The following TNR variants were observed in gnomAD, a reference collection of about 807,000 sequenced individuals.
TNR encodes the protein tenascin R.
A neutral mutation model predicts 150.4 loss-of-function variants in TNR; 45 were observed. The observed-to-expected ratio is 0.30, with a 90% CI of 0.24 to 0.38. The LOEUF (loss-of-function observed/expected upper bound fraction) is 0.38, where lower values mean the gene tolerates loss of function less well. Ranked by LOEUF, TNR falls within the 10% of genes least tolerant of loss-of-function variation. The pLI is 1.00. For synonymous variants in TNR, 687 were observed against 678.4 expected (o/e 1.01, Z -0.20); for missense variants, 1,544 against 1,759.1 (o/e 0.88, Z 2.19).
rs143478061 is a variant in TNR at position 175,676,730 on chromosome 1, G to A, written c.-165+66496C>T. ...CTCCTAGTCGATAATTATTCCTTAC[G>A]TTGGTATGGGCATTTACTATTCTCA... is the stretch of plus-strand genomic sequence containing the variant. On this transcript the variant is annotated intron_variant, in intron 1 of 22. Coordinates refer to ENST00000367674, the MANE Select transcript of TNR (RefSeq NM_003285.3). Among the ~76,000 whole-genome samples, 231 of 152,218 alleles carry A rather than the reference G, an allele frequency of 1.5e-3. 1 individual carries two copies. The highest frequency in any genetic ancestry group is 5.0e-3 in the African/African-American group (209 of 41,524).
rs558167456 is a variant in TNR at position 175,442,939 on chromosome 1, A to G, written c.-63-36162T>C. Among the ~76,000 whole-genome samples, 9 of 149,036 alleles carry G rather than the reference A, an allele frequency of 6.0e-5. No homozygotes were observed. The East Asian group carries it at 1.2e-3, about 19-fold the overall frequency. On this transcript the variant is annotated intron_variant, in intron 2 of 22. Coordinates refer to ENST00000367674, the MANE Select transcript of TNR (RefSeq NM_003285.3). ...AATACCCATACTTTTCCAAGTGTTCAGTGCTATTTTGGTCTTAGAAGGCTG... is the reference window on the plus strand; with the variant it reads ...AATACCCATACTTTTCCAAGTGTTCGGTGCTATTTTGGTCTTAGAAGGCTG...
Position 175,318,887 on chromosome 1 carries a change from C to T in TNR, c.*4470G>A, listed in dbSNP as rs150348868. 4 of 152,310 alleles carry T rather than the reference C, an allele frequency of 2.6e-5. No individual in the cohort carries two copies. Among genetic ancestry groups the T allele is most frequent in the East Asian group, 1.9e-4 (1 of 5,184 alleles). The allele number at this position is 152,310 out of a possible 1,614,324, so 9.4% of individuals were successfully genotyped here. ...GAGGTCCTGAGACTCCTCCTGCAGC[C>T]GTGGCAAGTTTGAAGCAAGTGAAAA... On this transcript the variant is annotated 3_prime_UTR_variant, in exon 23 of 23. Transcript: ENST00000367674.
At chr1:175,459,307 G>A (rs1039018650) in intron 2 of TNR, among the ~76,000 whole-genome samples, 8 of 151,958 alleles carry the variant, frequency 5.3e-5, no homozygotes, top group African/African-American at 1.2e-4. Flanking sequence ...CTCTGCCACC[G>A]TCATCATTAC....
intron 18 of TNR, among the ~76,000 whole-genome samples, chr1:175,346,281 C>CAGTTA (rs1257729294): frequency 6.6e-6 from 1 of 152,078 alleles, no homozygotes; most frequent in Non-Finnish European, 1.5e-5. Context: ...CTATAATTAA[C>CAGTTA]AGAGAGAAAA....
intron 1 of TNR, among the ~76,000 whole-genome samples, chr1:175,734,233 G>A (rs1667716649): frequency 6.6e-6 from 1 of 152,178 alleles, no homozygotes; most frequent in African/African-American, 2.4e-5. Context: ...CTTCCTGCCT[G>A]AAATTCCCAA....
intron 7 of TNR, among the ~76,000 whole-genome samples, chr1:175,387,158 T>C (rs1376588122): frequency 2.0e-5 from 3 of 152,052 alleles, no homozygotes; most frequent in Admixed American, 2.0e-4. Flanking sequence ...CTGAATTAGA[T>C]AATGGGGAGG....
rs144360664 is a variant in TNR at position 175,365,190 on chromosome 1, T to C, written c.2407A>G (p.Arg803Gly). The C allele has an allele frequency of 7.8e-5, 126 of 1,614,132 alleles. 1 individual carries two copies. The African/African-American group carries it at 1.4e-3, about 18-fold the overall frequency. The change falls in exon 12 of 23, where the codon AGA (arginine) becomes GGA (glycine). Residue 803 changes from arginine to glycine, a missense_variant. Arg to Gly is a moderately radical substitution (Grantham distance 125, BLOSUM62 -2). Around this residue, in one of 2 missense-constraint regions of TNR, gnomAD observed 1,254 missense variants for 1,329.4 expected, o/e 0.94. Coordinates refer to ENST00000367674, the MANE Select transcript of TNR (RefSeq NM_003285.3). ...TWSDPSPPAD[R>G]LILNYSPRDE... Reference sequence around the variant, plus strand: ...CTGGGGCTGTAGTTAAGAATGAGTCTGTCTGCTGGGGGAGATGGATCACTC... The same window carrying C: ...CTGGGGCTGTAGTTAAGAATGAGTCCGTCTGCTGGGGGAGATGGATCACTC...
chr1:175,726,340 G>A (rs1667478726), intron 1 of TNR, among the ~76,000 whole-genome samples: 1 of 152,194 alleles, frequency 6.6e-6, no homozygotes, highest in Non-Finnish European at 1.5e-5. Flanking sequence ...GGGATCTTTG[G>A]AGATGTAGGA....
chr1:175,443,829 A>G (rs1335255729), intron 2 of TNR, among the ~76,000 whole-genome samples: 1 of 152,210 alleles, frequency 6.6e-6, no homozygotes, highest in African/African-American at 2.4e-5. Flanking sequence ...TAGTTTGAGA[A>G]GTGATTTCCT....
intron 1 of TNR, among the ~76,000 whole-genome samples, chr1:175,639,986 G>A (rs763110281): frequency 6.6e-6 from 1 of 152,188 alleles, no homozygotes; most frequent in Non-Finnish European, 1.5e-5. Flanking sequence ...GAAGTGCAAG[G>A]ACTTCTTCTG....
intron 1 of TNR, among the ~76,000 whole-genome samples, chr1:175,681,366 G>A (rs1018246765): frequency 6.6e-6 from 1 of 152,190 alleles, no homozygotes; most frequent in Non-Finnish European, 1.5e-5. Flanking sequence ...TGCTGGGGAT[G>A]CCAGTGGGAC....
At chr1:175,649,188 G>A (rs544180993) in intron 1 of TNR, among the ~76,000 whole-genome samples, 1 of 152,266 alleles carries the variant, frequency 6.6e-6, no homozygotes, top group South Asian at 2.1e-4. Flanking sequence ...CTGCCTCCTA[G>A]CTTTGCCTTC....
In TNR at chr1:175,475,035, G is replaced by A. The variant is rs571714349; in HGVS notation, c.-64+53234C>T. ...AAGGGCAGAAGTGGCTTGGACTCAAGAAGAGGAAGTCTATAGCAACAGCTG... is the reference window on the plus strand; with the variant it reads ...AAGGGCAGAAGTGGCTTGGACTCAAAAAGAGGAAGTCTATAGCAACAGCTG... On this transcript the variant is annotated intron_variant, in intron 2 of 22. Transcript: ENST00000367674. 2.6e-5 allele frequency among the ~76,000 whole-genome samples: 4 copies of A among 152,334 alleles called. No homozygotes were observed. In the South Asian group the frequency reaches 6.2e-4, roughly 24 times the overall value.
At chr1:175,459,646 C>T (rs1039155014) in intron 2 of TNR, among the ~76,000 whole-genome samples, 1 of 152,186 alleles carries the variant, frequency 6.6e-6, no homozygotes, top group Admixed American at 6.5e-5. Context: ...AGATCCAGTT[C>T]TTCACAGTTC....
intron 2 of TNR, among the ~76,000 whole-genome samples, chr1:175,436,896 C>T (rs1389432748): frequency 5.9e-5 from 9 of 152,146 alleles, no homozygotes; most frequent in Non-Finnish European, 1.3e-4. Flanking sequence ...CCTTAGTGAC[C>T]TACAAAGAGA....
chr1:175,627,668 AATG>A (rs1365140328), intron 1 of TNR, among the ~76,000 whole-genome samples: 1 of 152,142 alleles, frequency 6.6e-6, no homozygotes, highest in African/African-American at 2.4e-5. Context: ...CTCTAATTGT[AATG>A]ATCATCATAA....
intron 2 of TNR, among the ~76,000 whole-genome samples, chr1:175,420,547 T>A (rs1394921759): frequency 6.6e-6 from 1 of 152,230 alleles, no homozygotes; most frequent in Admixed American, 6.5e-5. Context: ...GAAGATTTAT[T>A]GCCTGTAAAA....
intron 1 of TNR, among the ~76,000 whole-genome samples, chr1:175,740,693 G>A (rs1389182240): frequency 6.6e-6 from 1 of 152,132 alleles, no homozygotes; most frequent in Non-Finnish European, 1.5e-5. Context: ...TATGTAAAGT[G>A]AGTTTGTATC....
At chr1:175,582,723 G>GT (rs769865309) in intron 1 of TNR, among the ~76,000 whole-genome samples, 3 of 152,082 alleles carry the variant, frequency 2.0e-5, no homozygotes, top group Non-Finnish European at 4.4e-5. Context: ...AGGTGTAATG[G>GT]TTTGAATGCT....
Sources: allele counts gnomAD v4.1 joint callset (sites outside exome capture counted in the v4.1 genomes callset), GRCh38; gene constraint gnomAD v4.1.1; regional missense constraint gnomAD v4.1.1; transcripts MANE v1.5; gene names NCBI Gene and HGNC (gene_info 2026-07-23, HGNC 2026-07-21).